DGKB: variants seen among roughly 807,000 people sequenced by gnomAD.
DGKB encodes the protein diacylglycerol kinase beta, also known as 90 kDa diacylglycerol kinase.
DGKB carries 67 observed loss-of-function variants against 114.3 expected under a neutral mutation model. That is an observed-to-expected ratio of 0.59 (90% CI 0.48 to 0.72). The LOEUF (loss-of-function observed/expected upper bound fraction) is 0.72, where lower values mean the gene tolerates loss of function less well. Among genes scored for constraint, DGKB ranks in the 30% least tolerant of loss-of-function variants. DGKB has a pLI of 0.00. For missense variants in DGKB, 907 were observed against 975.2 expected, an observed-to-expected ratio of 0.93 and a Z score of 0.93; for synonymous variants, 398 against 323.1, an observed-to-expected ratio of 1.23 and a Z score of -2.49.
chr7:14,773,700 T>C (rs557900717), intron 2 of DGKB, among the ~76,000 whole-genome samples: 19 of 152,222 alleles, frequency 1.2e-4, no homozygotes, highest in African/African-American at 4.3e-4. Context: ...ACCCTCTACC[T>C]TAGAAAAAGT....
At chr7:14,949,961 G>C (rs1178727759) in intron 1 of DGKB, among the ~76,000 whole-genome samples, 1 of 151,756 alleles carries the variant, frequency 6.6e-6, no homozygotes, top group African/African-American at 2.4e-5. Context: ...GTGGGGTGGG[G>C]GGAGTGGGGA....
intron 2 of DGKB, among the ~76,000 whole-genome samples, chr7:14,816,125 G>C (rs1844111719): frequency 6.6e-6 from 1 of 152,134 alleles, no homozygotes; most frequent in South Asian, 2.1e-4. Flanking sequence ...GAGGTCAGGA[G>C]GGCGAGACCA....
At chr7:14,947,134 A>G (rs1300088886) in intron 1 of DGKB, among the ~76,000 whole-genome samples, 2 of 151,654 alleles carry the variant, frequency 1.3e-5, no homozygotes, top group South Asian at 2.1e-4. Flanking sequence ...TAGGAAAGCA[A>G]AATTCTAATT....
chr7:14,645,882 C>A (rs1232207003), intron 13 of DGKB, among the ~76,000 whole-genome samples: 1 of 151,940 alleles, frequency 6.6e-6, no homozygotes, highest in Non-Finnish European at 1.5e-5. Flanking sequence ...ATTATGATAA[C>A]AAATGAGAAA....
chr7:14,606,701 A>C (rs995781866), intron 17 of DGKB, among the ~76,000 whole-genome samples: 2 of 152,080 alleles, frequency 1.3e-5, no homozygotes, highest in Non-Finnish European at 2.9e-5. Context: ...GAGGTCAATG[A>C]AATAAAATGA....
At chr7:14,768,171 A>G (rs1270645493) in intron 2 of DGKB, among the ~76,000 whole-genome samples, 2 of 152,094 alleles carry the variant, frequency 1.3e-5, no homozygotes, top group East Asian at 3.9e-4. Context: ...TCTTACATTG[A>G]GAACAAAACT....
chr7:14,192,792 A>C (rs1036851489), intron 23 of DGKB, among the ~76,000 whole-genome samples: 2 of 152,066 alleles, frequency 1.3e-5, no homozygotes, highest in Middle Eastern at 3.4e-3. Flanking sequence ...ATTACAATGT[A>C]ATAATACAAC....
intron 21 of DGKB, among the ~76,000 whole-genome samples, chr7:14,346,053 A>G (rs2128593969): frequency 6.6e-6 from 1 of 151,690 alleles, no homozygotes; most frequent in African/African-American, 2.4e-5. Flanking sequence ...GCATAATTCT[A>G]ATAGTGATCA....
At chr7:14,430,979 C>G (rs906719508) in intron 21 of DGKB, among the ~76,000 whole-genome samples, 10 of 152,112 alleles carry the variant, frequency 6.6e-5, no homozygotes, top group African/African-American at 2.4e-4. Context: ...AGAGGAATTT[C>G]CCTCTGAAGT....
At chr7:14,209,868 T>C (rs1278631663) in intron 23 of DGKB, among the ~76,000 whole-genome samples, 1 of 149,126 alleles carries the variant, frequency 6.7e-6, no homozygotes, top group Non-Finnish European at 1.5e-5. Context: ...ATCTGGCAAA[T>C]TGAAAAGGTT....
intron 1 of DGKB, among the ~76,000 whole-genome samples, chr7:14,879,076 G>C (rs1352649045): frequency 1.3e-5 from 2 of 151,930 alleles, no homozygotes; most frequent in African/African-American, 2.4e-5. Flanking sequence ...TTACTAGACA[G>C]AGGAAAATGT....
At chr7:14,281,196 G>C (rs1464559782) in intron 23 of DGKB, among the ~76,000 whole-genome samples, 1 of 151,600 alleles carries the variant, frequency 6.6e-6, no homozygotes, top group Non-Finnish European at 1.5e-5. Context: ...ACAAAAACAG[G>C]CAGGGGTTGC....
At chr7:14,855,227 A>G (rs145986012) in intron 1 of DGKB, among the ~76,000 whole-genome samples, 47 of 152,308 alleles carry the variant, frequency 3.1e-4, no homozygotes, top group Non-Finnish European at 5.6e-4. Context: ...CCTGGTTAGA[A>G]TGAACTAAAT....
At chr7:14,268,073 A>G (rs1009061644) in intron 23 of DGKB, among the ~76,000 whole-genome samples, 15 of 152,294 alleles carry the variant, frequency 9.8e-5, no homozygotes, top group African/African-American at 3.6e-4. Flanking sequence ...CAGTTTCTAT[A>G]TTCGTTTTGG....
At chr7:14,965,621 T>C (rs1235678484) in intron 1 of DGKB, among the ~76,000 whole-genome samples, 1 of 152,086 alleles carries the variant, frequency 6.6e-6, no homozygotes, top group Non-Finnish European at 1.5e-5. Context: ...CTCATATACA[T>C]TCATAAGTAA....
intron 20 of DGKB, among the ~76,000 whole-genome samples, chr7:14,494,041 A>G (rs1784962303): frequency 6.6e-6 from 1 of 151,878 alleles, no homozygotes; most frequent in Non-Finnish European, 1.5e-5. Context: ...CTATAATTAC[A>G]TGTATGGCCA....
intron 1 of DGKB, among the ~76,000 whole-genome samples, chr7:14,946,560 T>A (rs1785893011): frequency 6.6e-6 from 1 of 151,738 alleles, no homozygotes; most frequent in South Asian, 2.1e-4. Context: ...AATAACAGCA[T>A]CCTTGTCCCC....
At chr7:14,953,505 A>G (rs1201970733) in intron 1 of DGKB, among the ~76,000 whole-genome samples, 1 of 152,090 alleles carries the variant, frequency 6.6e-6, no homozygotes, top group African/African-American at 2.4e-5. Flanking sequence ...ATGAGATATC[A>G]CTTCCCACAC....
chr7:14,607,356 T>G, intron 17 of DGKB, 78 bp downstream of exon 17: 3 of 760,196 alleles, frequency 3.9e-6, no homozygotes, highest in Admixed American at 2.2e-5. Flanking sequence ...ATAACATTAT[T>G]TCTACATATG....
Sources: gnomAD v4.1 joint callset for allele counts (sites outside exome capture counted in the v4.1 genomes callset) on GRCh38, gnomAD v4.1.1 for gene constraint, MANE v1.5 for transcripts, NCBI Gene and HGNC (gene_info 2026-07-23, HGNC 2026-07-21) for gene names.